The following CDH11 variants were observed in gnomAD, a reference collection of about 807,000 sequenced individuals.
The protein encoded by CDH11 is cadherin-11.
In CDH11, 11 loss-of-function variants were observed where a neutral mutation model predicts 67.8. That is an observed-to-expected ratio of 0.16 (90% confidence interval 0.10 to 0.27). CDH11 has a LOEUF of 0.27. CDH11 is among the 10% of genes least tolerant of loss of function. The probability of loss-of-function intolerance (pLI) is 1.00; values close to 1 mark genes in which losing one functional copy is unlikely to be tolerated. For synonymous variants in CDH11, 419 were observed against 400.0 expected (o/e 1.05, Z -0.57); for missense variants, 847 against 1,031.2 (o/e 0.82, Z 2.45).
rs924826625 is a variant in CDH11, at chr16:65,100,442, A to G, written c.-298+21438T>C. Among the ~76,000 whole-genome samples the G allele has an allele frequency of 1.1e-4, 16 of 152,284 alleles. No homozygotes were observed. The South Asian group carries it at 1.7e-3, about 16-fold the overall frequency. On this transcript the variant is annotated intron_variant, in intron 1 of 12. Transcript: ENST00000268603. ...ATTCCTTTTTCAGAAAAACAAAAGT[A>G]TCTTAAGAAAAACTGGCTGGACATG...
chr16:65,074,230 A>C (rs2074468267), intron 1 of CDH11, among the ~76,000 whole-genome samples: 1 of 152,196 alleles, frequency 6.6e-6, no homozygotes, highest in South Asian at 2.1e-4. Context: ...CAAAACACCC[A>C]GACTCCAAAG....
At chr16:64,998,380 C>T (rs2072829208) in intron 4 of CDH11, among the ~76,000 whole-genome samples, 182 bp downstream of exon 4, 1 of 152,228 alleles carries the variant, frequency 6.6e-6, no homozygotes, top group African/African-American at 2.4e-5. Flanking sequence ...TCTATTCCTA[C>T]AAGACTAGAA....
In CDH11 at chr16:64,947,861, C is replaced by G; in HGVS notation, c.2133G>C (p.Ala711=). The G allele has an allele frequency of 6.2e-7, 1 of 1,614,102 alleles. No homozygotes were observed. The highest frequency in any genetic ancestry group is 1.1e-5 in the South Asian group (1 of 91,078). The change falls in exon 13 of 13, where the codon GCG becomes GCC. Residue 711 remains alanine (A), a synonymous_variant. Coordinates refer to ENST00000268603, the MANE Select transcript of CDH11 (RefSeq NM_001797.4). ...QYMPRPGLRP[A]PNSVDVDDFI... is the part of the protein sequence containing the mutation. Reference sequence around the variant, plus strand: ...AGTCATCGACATCCACGCTGTTGGGCGCTGGCCGGAGCCCAGGTCTAGGCA... The same window carrying G: ...AGTCATCGACATCCACGCTGTTGGGGGCTGGCCGGAGCCCAGGTCTAGGCA...
At chr16:65,108,550 C>T (rs1173403546) in intron 1 of CDH11, among the ~76,000 whole-genome samples, 5 of 152,094 alleles carry the variant, frequency 3.3e-5, no homozygotes, top group African/African-American at 1.2e-4. Flanking sequence ...CAAGATAGAT[C>T]TCCCTTTACT....
At chr16:64,986,672 C>T (rs1480739279) in intron 7 of CDH11, 2 of 151,984 alleles carry the variant, frequency 1.3e-5, no homozygotes, top group Non-Finnish European at 2.9e-5. Flanking sequence ...TAGTGACTGC[C>T]CTAGCTCCCT....
At chr16:65,119,432 T>C (rs1348271102) in intron 1 of CDH11, among the ~76,000 whole-genome samples, 1 of 152,142 alleles carries the variant, frequency 6.6e-6, no homozygotes, top group Admixed American at 6.5e-5. Flanking sequence ...AAATAGAATT[T>C]AGGTTTCTAG....
rs1221990353 is a variant in CDH11 at position 65,091,940 on chromosome 16, T to C, written c.-298+29940A>G. On this transcript the variant is annotated intron_variant, in intron 1 of 12. Transcript: ENST00000268603. The stretch of plus-strand genomic sequence containing the variant: ...AAAATTATTTATCAAGCTCCCTCCT[T>C]TTCCCAGGGATAATAAATAATGTCA... Among the ~76,000 whole-genome samples the C allele has an allele frequency of 3.9e-5, 6 of 152,172 alleles. 1 individual carries two copies. Among genetic ancestry groups the C allele is most frequent in the African/African-American group, 1.4e-4 (6 of 41,440 alleles).
At chr16:65,119,762 T>A (rs2075294878) in intron 1 of CDH11, among the ~76,000 whole-genome samples, 1 of 152,236 alleles carries the variant, frequency 6.6e-6, no homozygotes, top group South Asian at 2.1e-4. Context: ...TTATTAATAA[T>A]AGTGCATGCC....
chr16:65,113,372 A>G (rs2142888187), intron 1 of CDH11, among the ~76,000 whole-genome samples: 1 of 152,050 alleles, frequency 6.6e-6, no homozygotes, highest in Middle Eastern at 3.4e-3. Flanking sequence ...GTTCCATTAA[A>G]CCCTAAATTA....
At chr16:65,006,508 A>C (rs946321923) in intron 2 of CDH11, among the ~76,000 whole-genome samples, 2 of 152,160 alleles carry the variant, frequency 1.3e-5, no homozygotes, top group African/African-American at 4.8e-5. Context: ...GGGCATGCCA[A>C]TCAATCACTC....
chr16:64,974,058 C>A (rs1358134279), intron 8 of CDH11, among the ~76,000 whole-genome samples: 2 of 152,164 alleles, frequency 1.3e-5, no homozygotes, highest in Admixed American at 6.5e-5. Flanking sequence ...GATAAAAAAA[C>A]CACATAATAT....
intron 2 of CDH11, among the ~76,000 whole-genome samples, chr16:65,038,958 T>C (rs1414224270): frequency 6.6e-6 from 1 of 152,196 alleles, no homozygotes; most frequent in Non-Finnish European, 1.5e-5. Flanking sequence ...CACATCACTT[T>C]ATCATTGTTG....
intron 2 of CDH11, among the ~76,000 whole-genome samples, chr16:65,045,981 C>T (rs1453284577): frequency 6.6e-6 from 1 of 152,072 alleles, no homozygotes. Flanking sequence ...CCTCTTAGGC[C>T]CAGAGCACAT....
upstream of CDH11, chr16:65,122,189 G>A (rs1207034009): frequency 1.6e-5 from 9 of 546,110 alleles, no homozygotes; most frequent in East Asian, 2.7e-4. Flanking sequence ...AAGGGCGGGG[G>A]CTGAGAGAAG....
At chr16:65,101,524 T>C (rs1158275395) in intron 1 of CDH11, among the ~76,000 whole-genome samples, 2 of 152,162 alleles carry the variant, frequency 1.3e-5, no homozygotes, top group African/African-American at 4.8e-5. Context: ...TTCTTCCTCA[T>C]TTTTATTTTT....
At chr16:65,073,884 C>T (rs576137709) in intron 1 of CDH11, among the ~76,000 whole-genome samples, 1 of 152,294 alleles carries the variant, frequency 6.6e-6, no homozygotes, top group African/African-American at 2.4e-5. Context: ...TCAGGAGAAG[C>T]AAGGCCTTGC....
chr16:64,980,802 A>G (rs556762412), intron 8 of CDH11, among the ~76,000 whole-genome samples: 6 of 152,288 alleles, frequency 3.9e-5, no homozygotes, highest in African/African-American at 1.4e-4. Context: ...GGATTCATGC[A>G]GAGAGGTAAA....
intron 1 of CDH11, among the ~76,000 whole-genome samples, chr16:65,059,855 C>T (rs768811538): frequency 9.2e-5 from 14 of 152,294 alleles, no homozygotes; most frequent in Middle Eastern, 3.4e-3. Context: ...TAAATATTCA[C>T]GGCCTTTGTC....
At chr16:65,074,288 C>T (rs1177922656) in intron 1 of CDH11, among the ~76,000 whole-genome samples, 2 of 152,110 alleles carry the variant, frequency 1.3e-5, no homozygotes, top group African/African-American at 4.8e-5. Context: ...GCTCGATATA[C>T]CCAAATTAAC....
Sources: gnomAD v4.1 joint callset for allele counts (sites outside exome capture counted in the v4.1 genomes callset) on GRCh38, gnomAD v4.1.1 for gene constraint, MANE v1.5 for transcripts, NCBI Gene and HGNC (gene_info 2026-07-23, HGNC 2026-07-21) for gene names.